Variants in HEATR9 observed in about 807,000 individuals in gnomAD.
HEATR9 encodes HEAT repeat containing 9.
A neutral mutation model predicts 68.2 loss-of-function variants in HEATR9; 54 were observed. The ratio of observed to expected loss-of-function variants is 0.79; its 90% CI spans 0.64 to 0.99. HEATR9 has a LOEUF of 0.99. Among genes scored for constraint, HEATR9 ranks in the 50% least tolerant of loss-of-function variants. The pLI is 0.00. For synonymous variants in HEATR9, 241 were observed against 253.5 expected (o/e 0.95, Z 0.47); for missense variants, 662 against 679.7 (o/e 0.97, Z 0.29).
At chr17:35,867,242 CAG>C (rs777595665) in intron 1 of HEATR9, among the ~76,000 whole-genome samples, 30 of 151,656 alleles carry the variant, frequency 2.0e-4, no homozygotes, top group Non-Finnish European at 4.0e-4. Context: ...GACAGAGCGA[CAG>C]AGCGAGACTC....
Position 35,865,063 on chromosome 17 carries a change from G to T in HEATR9, c.320+152C>A, listed in dbSNP as rs1465084553. ...GAGCCGAGCCGAGCCGGCCGAGCCAGATGGAGCTGAGCCAAGCCGAGCCGC... is the reference window on the plus strand; with the variant it reads ...GAGCCGAGCCGAGCCGGCCGAGCCATATGGAGCTGAGCCAAGCCGAGCCGC... On this transcript the variant is annotated intron_variant, in intron 3 of 14. Transcript: ENST00000604834. 3 of 1,285,652 alleles carry T rather than the reference G, an allele frequency of 2.3e-6. No homozygotes were observed. The African/African-American group carries it at 4.4e-5, about 19-fold the overall frequency. 79.6% of individuals were successfully genotyped at this position (1,285,652 alleles called of 1,614,324 possible).
chr17:35,864,338 T>C (rs1020690591), intron 5 of HEATR9, 36 bp from the exon 6 acceptor site: 3 of 1,576,762 alleles, frequency 1.9e-6, no homozygotes, highest in African/African-American at 2.7e-5. Context: ...AGAAGGAAAC[T>C]TGGACATCAT....
chr17:35,865,069 G>T, intron 3 of HEATR9, 146 bp downstream of exon 3: 1 of 1,280,176 alleles, frequency 7.8e-7, no homozygotes, highest in Non-Finnish European at 1.1e-6. Flanking sequence ...GCCAGATGGA[G>T]CTGAGCCAAG....
At chr17:35,857,827 C>T (rs775919843) in intron 11 of HEATR9, among the ~76,000 whole-genome samples, 7 of 152,094 alleles carry the variant, frequency 4.6e-5, no homozygotes, top group Non-Finnish European at 7.4e-5. Flanking sequence ...AGCAAGGGAA[C>T]ATAGAGGAAG....
rs148498787 is a variant in HEATR9 at position 35,861,338 on chromosome 17, C to A, written c.756+1657G>T. On this transcript the variant is annotated intron_variant, in intron 8 of 14. Transcript: ENST00000604834. ...AGCTCTTGCTAGTATTTGATAGGTT[C>A]ATTTCTATGTTTTTAAAATTCAAAT... 8.3e-4 allele frequency: 1,238 copies of A among 1,483,420 alleles called. 8 individuals carry two copies. In the African/African-American group the frequency reaches 0.014, roughly 16 times the overall value. 91.9% of individuals were successfully genotyped at this position (1,483,420 alleles called of 1,614,324 possible).
At chr17:35,856,025 A>AATTTC (rs1394540112) in intron 13 of HEATR9, 148 bp downstream of exon 13, 25 of 879,506 alleles carry the variant, frequency 2.8e-5, no homozygotes, top group Non-Finnish European at 4.2e-5. Flanking sequence ...CCCAACCCTG[A>AATTTC]AGAAAAGGTT....
At chr17:35,856,065 C>T in intron 13 of HEATR9, 108 bp downstream of exon 13, 1 of 1,254,384 alleles carries the variant, frequency 8.0e-7, no homozygotes, top group Non-Finnish European at 1.2e-6. Context: ...AAATAAACAA[C>T]TTCCCCGAAG....
rs777938436 is a variant in HEATR9 at position 35,858,990 on chromosome 17, C to T, written c.837G>A (p.Leu279=). The change falls in exon 9 of 15, where the codon CTG becomes CTA. Residue 279 remains leucine, a synonymous_variant. Coordinates refer to ENST00000604834, the MANE Select transcript of HEATR9 (RefSeq NM_152781.4). ...LIKKSSSEAS[L]EAALCLGFLR... ...GGAAACCCAGGCACAGGGCTGCCTC[C>T]AGAGATGCTTCACTGGACGACTTCT... 2.5e-6 allele frequency: 4 copies of T among 1,614,198 alleles called. No individual in the cohort carries two copies. In the South Asian group the frequency reaches 3.3e-5, roughly 13 times the overall value.
At position 35,863,591 on chromosome 17, in the gene HEATR9, A is replaced by G. The variant is rs1453921835; in HGVS notation, c.568-32T>C. The stretch of plus-strand genomic sequence containing the variant: ...TAAGAGGCGGGTGGTAGGAACATAT[A>G]ATAAGGTGATGGAATGTCAGAGCTT... On this transcript the variant is annotated intron_variant, in intron 6 of 14. Transcript: ENST00000604834. The G allele has an allele frequency of 1.9e-6, 3 of 1,606,028 alleles. No homozygotes were observed. In the African/African-American group the frequency reaches 4.0e-5, roughly 21 times the overall value.
rs757153854 is a variant in HEATR9 at position 35,865,366 on chromosome 17, C to G, written c.169G>C (p.Glu57Gln). Residue 57 changes from glutamate (E) to glutamine (Q), a missense_variant, in exon 3 of 15, where the codon GAG (glutamate) becomes CAG (glutamine). Transcript: ENST00000604834. ...TTGCTCGGATGCTGCCTCCAGCACT[C>G]TGGACTTGGGGGAAACTCTTCCTTT... ...MPKEEFPPSP[E>Q]CWRQHPSKPN... is the part of the protein sequence containing the mutation. 5 of 1,613,502 alleles carry G rather than the reference C, an allele frequency of 3.1e-6. No individual in the cohort carries two copies. In the South Asian group the frequency reaches 4.4e-5, roughly 14 times the overall value.
At chr17:35,855,508 A>C in intron 14 of HEATR9, 98 bp from the exon 15 acceptor site, 1 of 1,341,774 alleles carries the variant, frequency 7.5e-7, no homozygotes, top group South Asian at 1.3e-5. Context: ...TTCTAGCCAC[A>C]GGGCACTGTG....
chr17:35,864,646 A>AC (rs80038709), intron 4 of HEATR9, 93 bp from the exon 5 acceptor site: 41,929 of 1,583,956 alleles, frequency 0.026, 873 homozygotes, highest in East Asian at 0.13. Flanking sequence ...CCCTTTTCCT[A>AC]CCCTACCTCT....
At chr17:35,858,092 A>G in intron 11 of HEATR9, 108 bp downstream of exon 11, 1 of 1,470,762 alleles carries the variant, frequency 6.8e-7, no homozygotes, top group Non-Finnish European at 9.4e-7. Flanking sequence ...GAACAGGAGT[A>G]GGTCAGGATG....
At chr17:35,868,043 A>T (rs2088271311) in intron 1 of HEATR9, among the ~76,000 whole-genome samples, 1 of 152,184 alleles carries the variant, frequency 6.6e-6, no homozygotes, top group Admixed American at 6.5e-5. Context: ...GGCCTCCCAA[A>T]GTGCTGGGAT....
At position 35,855,115 on chromosome 17, in the gene HEATR9, CA is replaced by C; in HGVS notation, c.1660del (p.Trp554GlyfsTer38). 1 of 1,614,166 alleles carries C rather than the reference CA, an allele frequency of 6.2e-7. No homozygotes were observed. Among genetic ancestry groups the C allele is most frequent in the Non-Finnish European group, 8.5e-7 (1 of 1,180,040 alleles). On this transcript the variant is annotated frameshift_variant, in exon 15 of 15. Transcript: ENST00000604834. LOFTEE classifies it low-confidence loss of function (END_TRUNC). ...GAGCTGTTTCTTGATCCTTGGCTGCCAGGGCCCTATGACCTGTGGCCTATGT... is the reference window on the plus strand; with the variant it reads ...GAGCTGTTTCTTGATCCTTGGCTGCCGGGCCCTATGACCTGTGGCCTATGT... Reference protein sequence around the residue: ...RKHRPQVIGPWQPRIKKQLRV... With the variant: ...RKHRPQVIGPXQPRIKKQLRV...
At chr17:35,864,214 C>T in intron 6 of HEATR9, 32 bp downstream of exon 6, 1 of 1,581,928 alleles carries the variant, frequency 6.3e-7, no homozygotes, top group South Asian at 1.1e-5. Context: ...CTGTTTCCTT[C>T]TTTCCTGAAC....
intron 8 of HEATR9, among the ~76,000 whole-genome samples, chr17:35,859,533 G>A (rs772999188): frequency 6.6e-6 from 1 of 152,092 alleles, no homozygotes; most frequent in African/African-American, 2.4e-5. Flanking sequence ...ATAATCCATT[G>A]AGCCTGCCAC....
chr17:35,863,936 A>C, intron 6 of HEATR9: 1 of 539,078 alleles, frequency 1.9e-6, no homozygotes, highest in East Asian at 3.0e-5. Flanking sequence ...ATGTATACAT[A>C]TGCGGTGTTT....
At chr17:35,858,005 A>G (rs1490371562) in intron 11 of HEATR9, among the ~76,000 whole-genome samples, 195 bp downstream of exon 11, 2 of 152,166 alleles carry the variant, frequency 1.3e-5, no homozygotes, top group Non-Finnish European at 2.9e-5. Flanking sequence ...AGAAGGAAGG[A>G]TGACTCAGAT....
Sources: gnomAD v4.1 joint callset for allele counts (sites outside exome capture counted in the v4.1 genomes callset) on GRCh38, gnomAD v4.1.1 for gene constraint, MANE v1.5 for transcripts, NCBI Gene and HGNC (gene_info 2026-07-23, HGNC 2026-07-21) for gene names.